The following FILIP1 variants were observed in gnomAD, a reference collection of about 807,000 sequenced individuals.
FILIP1 encodes the protein filamin A interacting protein 1.
FILIP1 carries 61 observed loss-of-function variants against 102.1 expected under a neutral mutation model. The observed-to-expected ratio is 0.60, with a 90% CI of 0.49 to 0.74. The LOEUF (loss-of-function observed/expected upper bound fraction) is 0.74. FILIP1 is among the 30% of genes least tolerant of loss of function. The pLI, the probability that FILIP1 is intolerant of heterozygous loss-of-function variation, is 0.00. For synonymous variants in FILIP1, 491 were observed against 526.9 expected, an observed-to-expected ratio of 0.93 and a Z score of 0.93; for missense variants, 1,314 against 1,441.2, an observed-to-expected ratio of 0.91 and a Z score of 1.43.
At chr6:75,372,685 G>A (rs199862801) in intron 2 of FILIP1, among the ~76,000 whole-genome samples, 45 of 23,474 alleles carry the variant, frequency 1.9e-3, no homozygotes, top group East Asian at 0.013. Flanking sequence ...AAGAAAGAAA[G>A]AGAAAGAAAG....
chr6:75,400,324 TA>T (rs1776610826), intron 2 of FILIP1, among the ~76,000 whole-genome samples: 1 of 152,174 alleles, frequency 6.6e-6, no homozygotes. Flanking sequence ...AACTACAAAG[TA>T]ATTTTCAAAA....
chr6:75,301,032 G>C (rs146183820), intron 6 of FILIP1, among the ~76,000 whole-genome samples: 34 of 152,272 alleles, frequency 2.2e-4, no homozygotes, highest in African/African-American at 7.7e-4. Context: ...TGGAAAAATA[G>C]GTAAGTATTT....
chr6:75,442,478 G>T lies in FILIP1; in HGVS notation c.-6-27500C>A, dbSNP rs544178806. 7.0e-3 allele frequency among the ~76,000 whole-genome samples: 1,062 copies of T among 152,220 alleles called. 6 individuals carry two copies. Among genetic ancestry groups the T allele is most frequent in the Middle Eastern group, 0.017 (5 of 294 alleles). On this transcript the variant is annotated intron_variant, in intron 1 of 5. Coordinates refer to ENST00000237172, the MANE Select transcript of FILIP1 (RefSeq NM_015687.5). ...GCCTGGGCACCATTGAGCACTGAGT[G>T]AACCAGACTCCGTCTGCAATCCCGG...
chr6:75,462,378 C>T (rs2951917), intron 1 of FILIP1, among the ~76,000 whole-genome samples: 2 of 151,862 alleles, frequency 1.3e-5, no homozygotes, highest in Non-Finnish European at 2.9e-5. Flanking sequence ...AGAATTGCAG[C>T]GGAGAGGCTG....
intron 4 of FILIP1, among the ~76,000 whole-genome samples, chr6:75,317,769 T>A (rs1352732326): frequency 6.6e-6 from 1 of 152,176 alleles, no homozygotes; most frequent in African/African-American, 2.4e-5. Flanking sequence ...GCCCATCTCA[T>A]AGTTAAAGTG....
intron 4 of FILIP1, among the ~76,000 whole-genome samples, chr6:75,333,507 G>C (rs2149581034): frequency 6.6e-6 from 1 of 152,198 alleles, no homozygotes; most frequent in East Asian, 1.9e-4. Flanking sequence ...TAAGAATCCA[G>C]GAAGATCAAT....
intron 1 of FILIP1, among the ~76,000 whole-genome samples, chr6:75,429,933 A>T (rs1487708375): frequency 6.6e-6 from 1 of 152,352 alleles, no homozygotes; most frequent in East Asian, 1.9e-4. Context: ...ACACACAAAA[A>T]TAAAACATGT....
intron 1 of FILIP1, among the ~76,000 whole-genome samples, chr6:75,470,895 T>C (rs2149763444): frequency 6.6e-6 from 1 of 152,146 alleles, no homozygotes; most frequent in South Asian, 2.1e-4. Context: ...GCCAGGTGGC[T>C]CACGTCTGTA....
intron 6 of FILIP1, among the ~76,000 whole-genome samples, chr6:75,301,229 T>G (rs1452605807): frequency 1.3e-5 from 2 of 152,198 alleles, no homozygotes; most frequent in Non-Finnish European, 2.9e-5. Context: ...TTTTCACAGT[T>G]TCTATATAGA....
chr6:75,295,647 A>G (rs886323190), exon 7 of FILIP1: 2 of 316,106 alleles, frequency 6.3e-6, no homozygotes, highest in Admixed American at 4.9e-5. Context: ...GTTATACAGC[A>G]TGTGCCCATA....
At chr6:75,410,594 T>G (rs1777032700) in intron 2 of FILIP1, among the ~76,000 whole-genome samples, 1 of 152,128 alleles carries the variant, frequency 6.6e-6, no homozygotes, top group African/African-American at 2.4e-5. Context: ...TTCCCCTCGC[T>G]GTGCCCATAT....
intron 4 of FILIP1, among the ~76,000 whole-genome samples, chr6:75,324,859 C>T (rs910859304): frequency 3.3e-5 from 5 of 152,102 alleles, no homozygotes; most frequent in South Asian, 2.1e-4. Context: ...GTTCAACAGA[C>T]GGTGCTGGGA....
At chr6:75,392,846 C>T (rs1355639888) in intron 2 of FILIP1, among the ~76,000 whole-genome samples, 2 of 152,180 alleles carry the variant, frequency 1.3e-5, no homozygotes, top group Non-Finnish European at 2.9e-5. Flanking sequence ...AGATTCTCTG[C>T]ACAAGCTCTC....
intron 2 of FILIP1, among the ~76,000 whole-genome samples, chr6:75,376,096 T>C (rs1775742580): frequency 6.6e-6 from 1 of 152,200 alleles, no homozygotes; most frequent in Non-Finnish European, 1.5e-5. Flanking sequence ...AGGGTGGTCC[T>C]TATAAGTTAT....
At chr6:75,440,945 C>CA (rs200327100) in intron 1 of FILIP1, among the ~76,000 whole-genome samples, 2,028 of 60,428 alleles carry the variant, frequency 0.034, 48 homozygotes, top group Middle Eastern at 0.082. Flanking sequence ...AGCGACGTCT[C>CA]AAAAAAAAAA....
At chr6:75,340,861 A>ATTTTTTTTTTTTTTTTTTTTTTTTTTTT (rs59666589) in intron 4 of FILIP1, among the ~76,000 whole-genome samples, 1 of 94,308 alleles carries the variant, frequency 1.1e-5, no homozygotes, top group Non-Finnish European at 2.0e-5. Context: ...ATGCTCAGGA[A>ATTTTTTTTTTTTTTTTTTTTTTTTTTTT]TTTTTTTTTT....
intron 4 of FILIP1, among the ~76,000 whole-genome samples, chr6:75,318,484 C>T (rs1773521553): frequency 6.6e-6 from 1 of 152,032 alleles, no homozygotes; most frequent in Admixed American, 6.6e-5. Flanking sequence ...GATCCTCCTG[C>T]CTCAGTCTCC....
intron 1 of FILIP1, among the ~76,000 whole-genome samples, chr6:75,474,136 T>A (rs529480144): frequency 6.6e-6 from 1 of 152,206 alleles, no homozygotes; most frequent in African/African-American, 2.4e-5. Flanking sequence ...CCGTTAATGT[T>A]AGAAATATAG....
intron 2 of FILIP1, among the ~76,000 whole-genome samples, chr6:75,396,583 G>A (rs1046192673): frequency 2.6e-5 from 4 of 152,062 alleles, no homozygotes; most frequent in African/African-American, 7.2e-5. Flanking sequence ...TAAGAATGGC[G>A]AGCCTGTTGA....
Sources: allele counts gnomAD v4.1 joint callset (sites outside exome capture counted in the v4.1 genomes callset), GRCh38; gene constraint gnomAD v4.1.1; transcripts MANE v1.5; gene names NCBI Gene and HGNC (gene_info 2026-07-23, HGNC 2026-07-21).